KCNMB4: variants seen among roughly 807,000 people sequenced by gnomAD.
The protein encoded by KCNMB4 is potassium calcium-activated channel subfamily M regulatory beta subunit 4.
A neutral mutation model predicts 20.7 loss-of-function variants in KCNMB4; 3 were observed. The observed-to-expected ratio is 0.14, with a 90% confidence interval of 0.07 to 0.37. KCNMB4 has a LOEUF of 0.37. KCNMB4 is among the 10% of genes least tolerant of loss of function. KCNMB4 has a pLI of 1.00. For synonymous variants in KCNMB4, 110 were observed against 113.4 expected (o/e 0.97, Z 0.19); for missense variants, 168 against 265.9 (o/e 0.63, Z 2.56).
chr12:70,371,766 G>T (rs758074914), intron 1 of KCNMB4, among the ~76,000 whole-genome samples: 1 of 152,138 alleles, frequency 6.6e-6, no homozygotes, highest in Non-Finnish European at 1.5e-5. Flanking sequence ...CATGAAACAC[G>T]TATCCTGAGC....
rs190827510 is a variant in KCNMB4 at position 70,431,739 on chromosome 12, A to G, written c.*1086A>G. The G allele has an allele frequency of 4.6e-5, 7 of 152,310 alleles. No individual in the cohort carries two copies. Among genetic ancestry groups the G allele is most frequent in the Admixed American group, 1.3e-4 (2 of 15,304 alleles). The allele number at this position is 152,310 out of a possible 1,614,324, so 9.4% of individuals were successfully genotyped here. On this transcript the variant is annotated 3_prime_UTR_variant, in exon 3 of 3. Transcript: ENST00000258111. ...AGACCATATTTCTTTGTATCTTTTT[A>G]TAAACTCAAATTCCAAGTATCAAAT...
Position 70,430,920 on chromosome 12 carries a change from T to G in KCNMB4, c.*267T>G, listed in dbSNP as rs1164488944. 5 of 324,952 alleles carry G rather than the reference T, an allele frequency of 1.5e-5. No individual in the cohort carries two copies. The highest frequency in any genetic ancestry group is 2.2e-5 in the African/African-American group (1 of 45,936). The allele number at this position is 324,952 out of a possible 1,614,324, so 20.1% of individuals were successfully genotyped here. On this transcript the variant is annotated 3_prime_UTR_variant, in exon 3 of 3. Transcript: ENST00000258111. The stretch of plus-strand genomic sequence containing the variant: ...TTCAGAAAACCCTATAAGAAGTTCA[T>G]TTTCTTTCAAAAGTAACAGTATATT...
chr12:70,387,368 C>A (rs1443624621), intron 1 of KCNMB4, among the ~76,000 whole-genome samples: 1 of 148,884 alleles, frequency 6.7e-6, no homozygotes, highest in East Asian at 2.0e-4. Flanking sequence ...TCATTTGTGA[C>A]TCACTGATTC....
In KCNMB4 at chr12:70,367,016, C is replaced by T; in HGVS notation, c.282C>T (p.Ser94=). The change falls in exon 1 of 3, where the codon TCC becomes TCT. Residue 94 remains serine, a synonymous_variant. Transcript: ENST00000258111. ...CVQVYVNNSE[S]NSRALLHSDE... is the part of the protein sequence containing the mutation. The stretch of plus-strand genomic sequence containing the variant: ...AGGTCTACGTGAACAACTCTGAGTC[C>T]AACTCTAGGGCGCTGCTGCACAGCG... The T allele has an allele frequency of 6.3e-7, 1 of 1,589,226 alleles. No homozygotes were observed. Among genetic ancestry groups the T allele is most frequent in the Non-Finnish European group, 8.6e-7 (1 of 1,164,934 alleles).
At chr12:70,416,491 G>A (rs1868916444) in intron 2 of KCNMB4, among the ~76,000 whole-genome samples, 1 of 152,162 alleles carries the variant, frequency 6.6e-6, no homozygotes. Context: ...GAAACTTGAA[G>A]ACTGATAGGG....
intron 2 of KCNMB4, among the ~76,000 whole-genome samples, chr12:70,425,577 G>A (rs553160418): frequency 1.3e-5 from 2 of 152,294 alleles, no homozygotes; most frequent in Admixed American, 6.5e-5. Flanking sequence ...TTAAAGATTT[G>A]TTTATACACT....
At chr12:70,390,594 T>G (rs1020223827) in intron 1 of KCNMB4, among the ~76,000 whole-genome samples, 2 of 152,222 alleles carry the variant, frequency 1.3e-5, no homozygotes, top group Non-Finnish European at 2.9e-5. Context: ...TAGAGATGAA[T>G]TGAGACAGCT....
intron 1 of KCNMB4, among the ~76,000 whole-genome samples, chr12:70,399,829 C>T (rs1868405972): frequency 1.3e-5 from 2 of 152,106 alleles, no homozygotes; most frequent in South Asian, 4.1e-4. Context: ...GACAGAAATG[C>T]CAAGGTTCAT....
chr12:70,400,280 C>T lies in KCNMB4; in HGVS notation c.408C>T (p.Tyr136=). ...NLESVMNWQQ[Y]WKDEIGSQPF... Reference sequence around the variant, plus strand: ...AAAGTGTCATGAATTGGCAACAGTACTGGAAAGATGAGATTGGTTCCCAGC... The same window carrying T: ...AAAGTGTCATGAATTGGCAACAGTATTGGAAAGATGAGATTGGTTCCCAGC... The change falls in exon 2 of 3, where the codon TAC becomes TAT. Residue 136 remains tyrosine, a synonymous_variant. Coordinates refer to ENST00000258111, the MANE Select transcript of KCNMB4 (RefSeq NM_014505.6). 1 of 1,612,442 alleles carries T rather than the reference C, an allele frequency of 6.2e-7. No homozygotes were observed.
At chr12:70,422,239 A>G (rs1161103994) in intron 2 of KCNMB4, among the ~76,000 whole-genome samples, 1 of 152,214 alleles carries the variant, frequency 6.6e-6, no homozygotes, top group African/African-American at 2.4e-5. Context: ...GGACAGAAAA[A>G]CACTTATAGT....
chr12:70,430,053 T>A (rs900071302), intron 2 of KCNMB4, among the ~76,000 whole-genome samples: 1 of 147,288 alleles, frequency 6.8e-6, no homozygotes, highest in Non-Finnish European at 1.5e-5. Context: ...TTTTTTTTTA[T>A]CTGAATTAAG....
At chr12:70,402,230 T>A (rs1868471887) in intron 2 of KCNMB4, among the ~76,000 whole-genome samples, 1 of 152,198 alleles carries the variant, frequency 6.6e-6, no homozygotes, top group Non-Finnish European at 1.5e-5. Context: ...CTGGGGTGCC[T>A]TCCTTGATCC....
chr12:70,383,635 C>A (rs911318880), intron 1 of KCNMB4, among the ~76,000 whole-genome samples: 2 of 152,212 alleles, frequency 1.3e-5, no homozygotes, highest in Non-Finnish European at 2.9e-5. Context: ...CCTTCCTTGC[C>A]TCTTCCTAGC....
intron 1 of KCNMB4, among the ~76,000 whole-genome samples, chr12:70,381,288 A>G (rs1416909408): frequency 6.6e-6 from 1 of 152,262 alleles, no homozygotes; most frequent in Non-Finnish European, 1.5e-5. Context: ...GAATGTAAGA[A>G]TGAAAAAGAT....
rs898321254 is a variant in KCNMB4, at chr12:70,433,509, C to G, written c.*2856C>G. Reference sequence around the variant, plus strand: ...AATTACAGCCATCACTTCTGCCCACCGTCCATTCATGAATACTTACTATAT... The same window carrying G: ...AATTACAGCCATCACTTCTGCCCACGGTCCATTCATGAATACTTACTATAT... On this transcript the variant is annotated 3_prime_UTR_variant, in exon 3 of 3. Transcript: ENST00000258111. 2 of 152,182 alleles carry G rather than the reference C, an allele frequency of 1.3e-5. No individual in the cohort carries two copies. Among genetic ancestry groups the G allele is most frequent in the African/African-American group, 2.4e-5 (1 of 41,430 alleles). The allele number at this position is 152,182 out of a possible 1,614,324, so 9.4% of individuals were successfully genotyped here. A position where few individuals can be genotyped will look rare whatever the true frequency, so the allele number is the denominator to read the frequency against.
At chr12:70,412,683 T>C (rs943786820) in intron 2 of KCNMB4, among the ~76,000 whole-genome samples, 2 of 152,238 alleles carry the variant, frequency 1.3e-5, no homozygotes, top group African/African-American at 4.8e-5. Context: ...GAAAAAACTT[T>C]GTTTTTACTA....
chr12:70,421,997 G>C (rs1335273722), intron 2 of KCNMB4, among the ~76,000 whole-genome samples: 1 of 151,828 alleles, frequency 6.6e-6, no homozygotes, highest in Non-Finnish European at 1.5e-5. Flanking sequence ...ATAAAATGAG[G>C]AGCCGCTGTT....
intron 2 of KCNMB4, among the ~76,000 whole-genome samples, chr12:70,402,742 G>T (rs1868490334): frequency 6.6e-6 from 1 of 151,446 alleles, no homozygotes. Context: ...GTTGTTTGAT[G>T]CAATGACTTA....
At chr12:70,394,826 C>G (rs1868337301) in intron 1 of KCNMB4, among the ~76,000 whole-genome samples, 1 of 152,066 alleles carries the variant, frequency 6.6e-6, no homozygotes, top group South Asian at 2.1e-4. Context: ...ACTACCATGC[C>G]TGGCTGATTA....
Sources: allele counts gnomAD v4.1 joint callset (sites outside exome capture counted in the v4.1 genomes callset), GRCh38; gene constraint gnomAD v4.1.1; transcripts MANE v1.5; gene names NCBI Gene and HGNC (gene_info 2026-07-23, HGNC 2026-07-21).